The following DNPEP variants were observed in gnomAD, a reference collection of about 807,000 sequenced individuals.
DNPEP encodes the protein aspartyl aminopeptidase.
DNPEP carries 46 observed loss-of-function variants against 59.1 expected under a neutral mutation model. The observed-to-expected ratio is 0.78, with a 90% CI of 0.61 to 0.99. The LOEUF (loss-of-function observed/expected upper bound fraction) is 0.99. Among genes scored for constraint, DNPEP ranks in the 50% least tolerant of loss-of-function variants. The pLI, the probability that DNPEP is intolerant of heterozygous loss-of-function variation, is 0.00. For synonymous variants in DNPEP, 229 were observed against 242.2 expected (o/e 0.95, Z 0.50); for missense variants, 617 against 649.9 (o/e 0.95, Z 0.55).
At position 219,386,141 on chromosome 2, in the gene DNPEP, C is replaced by T. The variant is rs771253190; in HGVS notation, c.460-43G>A. ...AGGTCAGCCCAGGGTGCCTCCTACC[C>T]CAGTGGTCAGTCTTTACTTCACTCA... On this transcript the variant is annotated intron_variant, in intron 5 of 14. Transcript: ENST00000273075. 41 of 1,611,018 alleles carry T rather than the reference C, an allele frequency of 2.5e-5. No homozygotes were observed. The Admixed American group carries it at 6.9e-4, about 27-fold the overall frequency.
At chr2:219,396,493 C>T (rs1954099263) in intron 1 of DNPEP, among the ~76,000 whole-genome samples, 1 of 151,644 alleles carries the variant, frequency 6.6e-6, no homozygotes, top group South Asian at 2.1e-4. Context: ...GAGGCTGAGG[C>T]AGGAGAATCG....
In DNPEP at chr2:219,374,324, G is replaced by A; in HGVS notation, c.1426C>T (p.Pro476Ser). 2 of 1,614,108 alleles carry A rather than the reference G, an allele frequency of 1.2e-6. No homozygotes were observed. The highest frequency in any genetic ancestry group is 1.7e-6 in the Non-Finnish European group (2 of 1,179,982). ...ACTAAGAGATTATGGCTTAGAGAAG[G>A]GAACAGCTCAAAGAAGCCCTATAAT... is the stretch of plus-strand genomic sequence containing the variant. ...TLFKGFFELF[P>S]SLSHNLLVD Residue 476 changes from proline (P) to serine (S), a missense_variant, in exon 15 of 15, where the codon CCT becomes TCT. By Grantham distance (74) the Pro-to-Ser change is moderately conservative. Coordinates refer to ENST00000273075, the MANE Select transcript of DNPEP (RefSeq NM_012100.4).
At chr2:219,390,760 G>T (rs1019627073), upstream of DNPEP, among the ~76,000 whole-genome samples, 5 of 152,198 alleles carry the variant, frequency 3.3e-5, no homozygotes, top group African/African-American at 1.2e-4. Context: ...AACCCGGGAG[G>T]CAGAGGTTGC....
chr2:219,386,496 C>T (rs956007650), intron 4 of DNPEP, 85 bp from the exon 5 acceptor site: 93 of 1,567,272 alleles, frequency 5.9e-5, no homozygotes, highest in Non-Finnish European at 7.8e-5. Flanking sequence ...TAACAGACAG[C>T]GAATATTAGT....
At chr2:219,386,492 A>T (rs955746617) in intron 4 of DNPEP, 81 bp from the exon 5 acceptor site, 1 of 1,577,792 alleles carries the variant, frequency 6.3e-7, no homozygotes, top group Non-Finnish European at 8.7e-7. Flanking sequence ...TAAGTAACAG[A>T]CAGCGAATAT....
At chr2:219,388,986 A>C, upstream of DNPEP, 1 of 498,654 alleles carries the variant, frequency 2.0e-6, no homozygotes, top group Non-Finnish European at 2.6e-6. Context: ...TTGATTGCAG[A>C]GGCCTGGAAC....
chr2:219,400,000 C>A, exon 1 of DNPEP: 1 of 1,205,560 alleles, frequency 8.3e-7, no homozygotes, highest in Non-Finnish European at 1.2e-6. Context: ...GGATCCTTCC[C>A]CTGCCTTGGG....
intron 13 of DNPEP, 70 bp downstream of exon 13, chr2:219,381,265 G>T: frequency 7.3e-7 from 1 of 1,376,564 alleles, no homozygotes; most frequent in East Asian, 2.3e-5. Flanking sequence ...CCTGTTCATG[G>T]GGGGCCCATC....
intron 7 of DNPEP, 26 bp from the exon 8 acceptor site, chr2:219,385,557 G>A (rs758904487): frequency 6.2e-7 from 1 of 1,607,446 alleles, no homozygotes; most frequent in South Asian, 1.1e-5. Context: ...ATGCTGGGAA[G>A]AGTCCATTCC....
chr2:219,382,374 C>T (rs958162475), intron 10 of DNPEP, among the ~76,000 whole-genome samples: 10 of 152,192 alleles, frequency 6.6e-5, no homozygotes, highest in Middle Eastern at 3.2e-3. Context: ...TTCCTCCTCT[C>T]GTGACCCTCA....
intron 1 of DNPEP, among the ~76,000 whole-genome samples, chr2:219,398,779 T>G (rs1259330895): frequency 1.3e-5 from 2 of 151,756 alleles, no homozygotes; most frequent in Non-Finnish European, 2.9e-5. Context: ...GCCAGGGGGG[T>G]CTGGGGTGCA....
In DNPEP at chr2:219,382,131, A is replaced by T. The variant is rs761126536; in HGVS notation, c.945T>A (p.Ser315=). The T allele has an allele frequency of 6.2e-7, 1 of 1,610,648 alleles. No homozygotes were observed. The highest frequency in any genetic ancestry group is 8.5e-7 in the Non-Finnish European group (1 of 1,179,984). The change falls in exon 11 of 15, where the codon TCT becomes TCA. Residue 315 remains serine (S), a synonymous_variant. Transcript: ENST00000273075. ...VTLYDNEEVG[S]ESAQGAQSLL... is the part of the protein sequence containing the mutation. The stretch of plus-strand genomic sequence containing the variant: ...GTGACTGTGCTCCCTGTGCACTCTC[A>T]GACCCCACCTGGCGACAGTAGAGTC...
At chr2:219,381,247 C>G (rs1953582952) in intron 13 of DNPEP, 88 bp downstream of exon 13, 2 of 1,189,106 alleles carry the variant, frequency 1.7e-6, no homozygotes, top group African/African-American at 3.0e-5. Context: ...AGGCCATCTA[C>G]CAGGTTCCCT....
In DNPEP at chr2:219,395,759, G is replaced by C. The variant is rs1575002147; in HGVS notation, c.-158+4181C>G. On this transcript the variant is annotated intron_variant, in intron 1 of 6. Coordinates refer to the DNPEP transcript ENST00000434339. ...CCTTCCCTAGCATCTCCAGAGGGAA[G>C]TGCTTAGGGAGGCCAATCCTCCTCT... is the stretch of plus-strand genomic sequence containing the variant. Among the ~76,000 whole-genome samples, 3 of 152,334 alleles carry C rather than the reference G, an allele frequency of 2.0e-5. No individual in the cohort carries two copies. In the East Asian group the frequency reaches 5.8e-4, roughly 29 times the overall value.
chr2:219,381,093 T>C (rs1267872242), intron 13 of DNPEP, among the ~76,000 whole-genome samples: 1 of 152,156 alleles, frequency 6.6e-6, no homozygotes, highest in Non-Finnish European at 1.5e-5. Context: ...TCACCCCTAT[T>C]CTACAGATGT....
upstream of DNPEP, among the ~76,000 whole-genome samples, chr2:219,391,820 G>C (rs1954020015): frequency 6.8e-6 from 1 of 146,938 alleles, no homozygotes; most frequent in Non-Finnish European, 1.5e-5. Context: ...AAGATTCCTA[G>C]ATGATTTGAA....
At position 219,373,178 on chromosome 2, in the gene DNPEP, C is replaced by G. The variant is rs2125121368; in HGVS notation, c.*1114G>C. 7.4e-6 allele frequency among the ~76,000 whole-genome samples: 1 copy of G among 135,416 alleles called. No homozygotes were observed. Among genetic ancestry groups the G allele is most frequent in the Admixed American group, 8.1e-5 (1 of 12,348 alleles). The allele number at this position is 135,416 out of a possible 152,430, so 88.8% of individuals were successfully genotyped here. A position where few individuals can be genotyped will look rare whatever the true frequency, so the allele number is the denominator to read the frequency against. ...CCGCCTCCTGGGTTCAAGCGATTCT[C>G]CTGCCTCAGCCTCCGGAGTGGCTGA... On this transcript the variant is annotated 3_prime_UTR_variant, in exon 15 of 15. Coordinates refer to ENST00000273075, the MANE Select transcript of DNPEP (RefSeq NM_012100.4).
intron 13 of DNPEP, 72 bp from the exon 14 acceptor site, chr2:219,375,094 G>C: frequency 6.5e-7 from 1 of 1,530,246 alleles, no homozygotes; most frequent in Non-Finnish European, 9.0e-7. Flanking sequence ...CGCCATCTTA[G>C]AATTGCAGGG....
rs1188378114 is a variant in DNPEP, at chr2:219,375,001, T to C, written c.1261A>G (p.Thr421Ala). ...GGTCCAATGGTGGTTCCACAGGGGG[T>C]GTCATTCCGGACCATGAGATCCTAG... ...PLQDLMVRNDTPCGTTIGPIL... is the reference protein window; with the variant it reads ...PLQDLMVRNDAPCGTTIGPIL... The change falls in exon 14 of 15, where the codon ACC becomes GCC. Residue 421 changes from threonine to alanine, a missense_variant. Coordinates refer to ENST00000273075, the MANE Select transcript of DNPEP (RefSeq NM_012100.4). The C allele has an allele frequency of 5.0e-6, 8 of 1,612,174 alleles. No homozygotes were observed. The highest frequency in any genetic ancestry group is 6.8e-6 in the Non-Finnish European group (8 of 1,179,514).
Sources: allele counts gnomAD v4.1 joint callset (sites outside exome capture counted in the v4.1 genomes callset), GRCh38; gene constraint gnomAD v4.1.1; transcripts MANE v1.5; gene names NCBI Gene and HGNC (gene_info 2026-07-23, HGNC 2026-07-21).